Variants in TRPC4 observed in about 807,000 individuals in gnomAD.
TRPC4 encodes the protein short transient receptor potential channel 4.
In TRPC4, 49 loss-of-function variants were observed where a neutral mutation model predicts 99.4. That is an observed-to-expected ratio of 0.49 (90% CI 0.39 to 0.63). The LOEUF (loss-of-function observed/expected upper bound fraction) is 0.63, where lower values mean the gene tolerates loss of function less well. Among genes scored for constraint, TRPC4 ranks in the 20% least tolerant of loss-of-function variants. The pLI is 0.00. For synonymous variants in TRPC4, 454 were observed against 425.9 expected, an observed-to-expected ratio of 1.07 and a Z score of -0.81; for missense variants, 898 against 1,152.9, an observed-to-expected ratio of 0.78 and a Z score of 3.20.
chr13:37,716,928 A>G (rs1386151380), intron 3 of TRPC4, among the ~76,000 whole-genome samples: 4 of 151,630 alleles, frequency 2.6e-5, no homozygotes, highest in African/African-American at 4.9e-5. Context: ...ACTAAGAGAG[A>G]AGTCTGGTGG....
intron 3 of TRPC4, among the ~76,000 whole-genome samples, chr13:37,692,631 C>T (rs1474859193): frequency 6.6e-6 from 1 of 152,114 alleles, no homozygotes; most frequent in African/African-American, 2.4e-5. Flanking sequence ...GCAAAAGATA[C>T]GCTGATAAGT....
At chr13:37,813,510 A>T (rs1185868760) in intron 1 of TRPC4, among the ~76,000 whole-genome samples, 1 of 151,808 alleles carries the variant, frequency 6.6e-6, no homozygotes, top group Non-Finnish European at 1.5e-5. Context: ...GGGAAAAAAA[A>T]GAGAAGATGC....
intron 1 of TRPC4, among the ~76,000 whole-genome samples, chr13:37,843,044 G>A (rs1004260831): frequency 6.6e-6 from 1 of 152,312 alleles, no homozygotes; most frequent in South Asian, 2.1e-4. Flanking sequence ...ACATGAAGAT[G>A]TTCCAGACTT....
chr13:37,754,972 A>T (rs796768621), intron 2 of TRPC4, among the ~76,000 whole-genome samples: 16 of 152,226 alleles, frequency 1.1e-4, no homozygotes, highest in African/African-American at 3.8e-4. Flanking sequence ...AAATGTATTA[A>T]GTTAGTGCAA....
chr13:37,783,480 T>C, intron 1 of TRPC4, 120 bp from the exon 2 acceptor site: 1 of 687,842 alleles, frequency 1.5e-6, no homozygotes, highest in Non-Finnish European at 2.1e-6. Flanking sequence ...TAGTAACTAT[T>C]AAGAGTTAAG....
chr13:37,723,112 T>C (rs12865577), intron 3 of TRPC4, among the ~76,000 whole-genome samples: 57,384 of 151,938 alleles, frequency 0.38, 12,285 homozygotes, highest in Non-Finnish European at 0.5. Flanking sequence ...AATGCACACA[T>C]GCACACACAT....
intron 4 of TRPC4, among the ~76,000 whole-genome samples, chr13:37,685,181 C>G (rs547558161): frequency 3.0e-4 from 46 of 152,086 alleles, no homozygotes; most frequent in Non-Finnish European, 6.0e-4. Context: ...CAAATTTCAC[C>G]TGTGTAAAAA....
At chr13:37,709,791 T>A (rs912327624) in intron 3 of TRPC4, among the ~76,000 whole-genome samples, 4 of 152,050 alleles carry the variant, frequency 2.6e-5, no homozygotes, top group Admixed American at 6.6e-5. Flanking sequence ...TTTGATATTA[T>A]TTATCTCTGC....
intron 1 of TRPC4, among the ~76,000 whole-genome samples, chr13:37,869,275 TG>T (rs1960001363): frequency 1.3e-5 from 2 of 152,016 alleles, no homozygotes; most frequent in South Asian, 2.1e-4. Flanking sequence ...GCAGCTCCTT[TG>T]TTTACCATAT....
intron 3 of TRPC4, among the ~76,000 whole-genome samples, chr13:37,739,346 A>G (rs1955507448): frequency 6.6e-6 from 1 of 152,086 alleles, no homozygotes; most frequent in Admixed American, 6.6e-5. Flanking sequence ...AAACTAAGGA[A>G]AAGGCATTAC....
At chr13:37,833,864 A>G (rs1958489856) in intron 1 of TRPC4, among the ~76,000 whole-genome samples, 1 of 152,106 alleles carries the variant, frequency 6.6e-6, no homozygotes, top group African/African-American at 2.4e-5. Flanking sequence ...TAGTTTTTAA[A>G]TTTTTTTATT....
At chr13:37,788,400 C>T (rs1231016186) in intron 1 of TRPC4, among the ~76,000 whole-genome samples, 1 of 152,096 alleles carries the variant, frequency 6.6e-6, no homozygotes, top group African/African-American at 2.4e-5. Context: ...CTCATTTATT[C>T]TCTCTAACAT....
intron 3 of TRPC4, among the ~76,000 whole-genome samples, chr13:37,743,572 A>G (rs1955654114): frequency 6.6e-6 from 1 of 152,178 alleles, no homozygotes; most frequent in South Asian, 2.1e-4. Context: ...CTAATAGGCT[A>G]TAAGCTCTAT....
intron 5 of TRPC4, among the ~76,000 whole-genome samples, chr13:37,673,184 G>T (rs1952920712): frequency 6.8e-6 from 1 of 146,930 alleles, no homozygotes; most frequent in Admixed American, 7.1e-5. Context: ...CTATGAGTGA[G>T]AACATGCGGT....
intron 1 of TRPC4, among the ~76,000 whole-genome samples, chr13:37,795,312 A>G (rs1382086767): frequency 1.3e-5 from 2 of 152,160 alleles, no homozygotes; most frequent in Admixed American, 6.6e-5. Flanking sequence ...AATTTTGTGT[A>G]TATGTAAATT....
rs775364702 is a variant in TRPC4 at position 37,649,731 on chromosome 13, C to CAAAAAAAAA, written c.2079+1525_2079+1533dup. Among the ~76,000 whole-genome samples, 54 of 62,708 alleles carry CAAAAAAAAA rather than the reference C, an allele frequency of 8.6e-4. 1 individual carries two copies. The highest frequency in any genetic ancestry group is 0.014 in the Middle Eastern group (1 of 72). 41.1% of individuals were successfully genotyped at this position (62,708 alleles called of 152,430 possible). A position where few individuals can be genotyped will look rare whatever the true frequency, so the allele number is the denominator to read the frequency against. On this transcript the variant is annotated intron_variant, in intron 8 of 10. Coordinates refer to ENST00000379705, the MANE Select transcript of TRPC4 (RefSeq NM_016179.4). ...TGGGCAACTGAGCGAGACTCCGTCT[C>CAAAAAAAAA]AAAAAAAAAAAAAAAAAAAAAAAAA...
rs147837562 is a variant in TRPC4, at chr13:37,791,822, A to G, written c.-27-8462T>C. 1.4e-4 allele frequency among the ~76,000 whole-genome samples: 22 copies of G among 152,306 alleles called. No homozygotes were observed. In the East Asian group the frequency reaches 2.9e-3, roughly 20 times the overall value. ...AAATGCTAGCTATGTGAAAAGGTGC[A>G]GAAAAAATCATGATGTTAAAGGAAC... On this transcript the variant is annotated intron_variant, in intron 1 of 10. Coordinates refer to ENST00000379705, the MANE Select transcript of TRPC4 (RefSeq NM_016179.4).
chr13:37,688,370 G>GT (rs1367730479), intron 4 of TRPC4, among the ~76,000 whole-genome samples: 2 of 152,144 alleles, frequency 1.3e-5, no homozygotes, highest in African/African-American at 4.8e-5. Context: ...TGAAACACAA[G>GT]ACAACTGGTT....
intron 1 of TRPC4, among the ~76,000 whole-genome samples, chr13:37,826,894 C>CCTGT: frequency 6.6e-6 from 1 of 152,130 alleles, no homozygotes; most frequent in African/African-American, 2.4e-5. Context: ...ATTCTCTCCA[C>CCTGT]CACTTTCAGG....
Sources: allele counts gnomAD v4.1 joint callset (sites outside exome capture counted in the v4.1 genomes callset), GRCh38; gene constraint gnomAD v4.1.1; transcripts MANE v1.5; gene names NCBI Gene and HGNC (gene_info 2026-07-23, HGNC 2026-07-21).